ASPDH: variants seen among roughly 807,000 people sequenced by gnomAD.
ASPDH encodes the protein aspartate dehydrogenase domain-containing protein.
A neutral mutation model predicts 30.5 loss-of-function variants in ASPDH; 25 were observed. The ratio of observed to expected loss-of-function variants is 0.82; its 90% CI spans 0.60 to 1.14. The LOEUF (loss-of-function observed/expected upper bound fraction) is 1.14, where lower values mean the gene tolerates loss of function less well. ASPDH is among the 50% of genes most tolerant of loss of function. ASPDH has a pLI of 0.00. For missense variants in ASPDH, 401 were observed against 381.5 expected, an observed-to-expected ratio of 1.05 and a Z score of -0.43; for synonymous variants, 168 against 156.3, an observed-to-expected ratio of 1.07 and a Z score of -0.56.
In ASPDH at chr19:50,513,444, A is replaced by G; in HGVS notation, c.53-28T>C. The stretch of plus-strand genomic sequence containing the variant: ...GGGGAGAGGGAAAGGAGAGGGCTAG[A>G]GATCCAGAGAGAGGGGGACAGAGAC... On this transcript the variant is annotated intron_variant, in intron 1 of 6. Transcript: ENST00000389208. This position sits in a 1 kb window ranked among gnomAD's most constrained non-coding sequence, Gnocchi z 4.9. 6.9e-7 allele frequency: 1 copy of G among 1,458,920 alleles called. No homozygotes were observed. The highest frequency in any genetic ancestry group is 9.1e-7 in the Non-Finnish European group (1 of 1,102,986). 90.4% of individuals were successfully genotyped at this position (1,458,920 alleles called of 1,614,324 possible).
upstream of ASPDH, chr19:50,514,423 A>G: frequency 6.2e-7 from 1 of 1,612,008 alleles, no homozygotes; most frequent in Non-Finnish European, 8.5e-7. Context: ...TCCCCTTCCC[A>G]CAGCCTCCGC....
intron 3 of ASPDH, 39 bp from the exon 4 acceptor site, chr19:50,512,849 A>G (rs1980036823): frequency 6.3e-7 from 1 of 1,598,718 alleles, no homozygotes; most frequent in African/African-American, 1.3e-5. Context: ...AGGTCAGGGA[A>G]GGATATCCAC....
chr19:50,514,579 T>C, upstream of ASPDH: 3 of 1,612,340 alleles, frequency 1.9e-6, no homozygotes, highest in Non-Finnish European at 2.5e-6. Context: ...CCAGCTCGCG[T>C]CAGCCCAGGA....
rs1283128901 is a variant in ASPDH at position 50,513,301 on chromosome 19, C to T, written c.168G>A (p.Gln56=). The T allele has an allele frequency of 3.7e-5, 56 of 1,511,274 alleles. No homozygotes were observed. The highest frequency in any genetic ancestry group is 4.9e-5 in the Non-Finnish European group (55 of 1,129,494). The allele number at this position is 1,511,274 out of a possible 1,614,324, so 93.6% of individuals were successfully genotyped here. A position where few individuals can be genotyped will look rare whatever the true frequency, so the allele number is the denominator to read the frequency against. The change falls in exon 2 of 7, where the codon CAG becomes CAA. Residue 56 remains glutamine, a synonymous_variant. Transcript: ENST00000389208. The surrounding 1 kb of genome is among the most constrained non-coding windows in gnomAD (Gnocchi z 4.9). Reference sequence around the variant, plus strand: ...CCCCAAGGGCAGCAAGGTTCTGGAGCTGCAGGGAAGGGGGCACGCTCCCTG... The same window carrying T: ...CCCCAAGGGCAGCAAGGTTCTGGAGTTGCAGGGAAGGGGGCACGCTCCCTG... ...RMAGSVPPSL[Q]LQNLAALGER...
chr19:50,514,405 A>C, upstream of ASPDH: 1 of 1,603,234 alleles, frequency 6.2e-7, no homozygotes, highest in Admixed American at 1.7e-5. Context: ...CCCGCTGCGC[A>C]GCACGGGTCC....
upstream of ASPDH, chr19:50,514,887 C>T: frequency 1.0e-6 from 1 of 984,968 alleles, no homozygotes; most frequent in Non-Finnish European, 1.2e-6. Context: ...AGAGAGGGGC[C>T]AAGACCCCGA....
At position 50,513,084 on chromosome 19, in the gene ASPDH, T is replaced by C. The variant is rs1601359927; in HGVS notation, c.198-73A>G. On this transcript the variant is annotated intron_variant, in intron 2 of 6. Coordinates refer to ENST00000389208, the MANE Select transcript of ASPDH (RefSeq NM_001114598.2). The surrounding 1 kb of genome is among the most constrained non-coding windows in gnomAD (Gnocchi z 4.9). The stretch of plus-strand genomic sequence containing the variant: ...TCTTCTCCCCAAGGTTCCCTCCGAG[T>C]CTACTGAGGGCTGCCCTTCTTCTCC... 40 of 1,366,318 alleles carry C rather than the reference T, an allele frequency of 2.9e-5. No homozygotes were observed. In the East Asian group the frequency reaches 9.3e-4, roughly 32 times the overall value. 84.6% of individuals were successfully genotyped at this position (1,366,318 alleles called of 1,614,324 possible).
chr19:50,514,097 A>G (rs1980123951), upstream of ASPDH, among the ~76,000 whole-genome samples: 1 of 152,034 alleles, frequency 6.6e-6, no homozygotes, highest in East Asian at 1.9e-4. Flanking sequence ...CCCCTGCAGC[A>G]CACCCTCTTT....
chr19:50,511,691 G>T lies in ASPDH; in HGVS notation c.*39C>A. 3 of 1,270,428 alleles carry T rather than the reference G, an allele frequency of 2.4e-6. No homozygotes were observed. The highest frequency in any genetic ancestry group is 3.0e-6 in the Non-Finnish European group (3 of 990,720). 78.7% of individuals were successfully genotyped at this position (1,270,428 alleles called of 1,614,324 possible). A position where few individuals can be genotyped will look rare whatever the true frequency, so the allele number is the denominator to read the frequency against. On this transcript the variant is annotated 3_prime_UTR_variant, in exon 7 of 7. Coordinates refer to ENST00000389208, the MANE Select transcript of ASPDH (RefSeq NM_001114598.2). ...AGGGGTGGGATGGTGGTGGTGAGAG[G>T]CCAGGCAGATGATCTTGTCTCGGGA...
upstream of ASPDH, chr19:50,513,941 C>G: frequency 7.6e-7 from 1 of 1,318,678 alleles, no homozygotes; most frequent in East Asian, 2.6e-5. This position sits in a 1 kb window ranked among gnomAD's most constrained non-coding sequence, Gnocchi z 4.9. Context: ...GCTCAGTCTT[C>G]CCCCTTCCCC....
At position 50,513,019 on chromosome 19, in the gene ASPDH, AG is replaced by A; in HGVS notation, c.198-9del. The A allele has an allele frequency of 6.2e-7, 1 of 1,608,788 alleles. No homozygotes were observed. Among genetic ancestry groups the A allele is most frequent in the South Asian group, 1.1e-5 (1 of 90,726 alleles). On this transcript the variant is annotated splice_polypyrimidine_tract_variant and intron_variant, in intron 2 of 6. Coordinates refer to ENST00000389208, the MANE Select transcript of ASPDH (RefSeq NM_001114598.2). The surrounding 1 kb of genome is among the most constrained non-coding windows in gnomAD (Gnocchi z 4.9). ...ACAACCAGATCAGGGCGCCTGGGAG[AG>A]GGGAAAGAGGGCGGAGGGTCTTGGA...
Position 50,513,080 on chromosome 19 carries a change from C to A in ASPDH, c.198-69G>T. The A allele has an allele frequency of 7.2e-7, 1 of 1,392,428 alleles. No individual in the cohort carries two copies. The highest frequency in any genetic ancestry group is 1.3e-5 in the South Asian group (1 of 76,824). 86.3% of individuals were successfully genotyped at this position (1,392,428 alleles called of 1,614,324 possible). A position where few individuals can be genotyped will look rare whatever the true frequency, so the allele number is the denominator to read the frequency against. On this transcript the variant is annotated intron_variant, in intron 2 of 6. Coordinates refer to ENST00000389208, the MANE Select transcript of ASPDH (RefSeq NM_001114598.2). This position sits in a 1 kb window ranked among gnomAD's most constrained non-coding sequence, Gnocchi z 4.9. ...GGCCTCTTCTCCCCAAGGTTCCCTC[C>A]GAGTCTACTGAGGGCTGCCCTTCTT...
Position 50,512,855 on chromosome 19 carries a change from T to C in ASPDH, c.283-45A>G. On this transcript the variant is annotated intron_variant, in intron 3 of 6. Coordinates refer to ENST00000389208, the MANE Select transcript of ASPDH (RefSeq NM_001114598.2). ...GGAGGGTTGAGGTCAGGGAAGGATA[T>C]CCACTTCAGGGTGGGGTGAGACCAA... The C allele has an allele frequency of 1.9e-6, 3 of 1,598,700 alleles. No individual in the cohort carries two copies. The African/African-American group carries it at 4.0e-5, about 21-fold the overall frequency.
chr19:50,512,864 G>C (rs1980038220), intron 3 of ASPDH, 54 bp from the exon 4 acceptor site: 1 of 1,599,294 alleles, frequency 6.3e-7, no homozygotes, highest in African/African-American at 1.3e-5. Flanking sequence ...ATCCACTTCA[G>C]GGTGGGGTGA....
Position 50,513,764 on chromosome 19 carries a change from G to C in ASPDH, c.52+8C>G, listed in dbSNP as rs1980102465. 6.5e-7 allele frequency: 1 copy of C among 1,541,534 alleles called. No individual in the cohort carries two copies. Among genetic ancestry groups the C allele is most frequent in the African/African-American group, 1.4e-5 (1 of 72,946 alleles). ...GGGGAAGGAGGCCAAGGATGGTCAGGGACTCACCGAGGCGGCCATAGCCCA... is the reference window on the plus strand; with the variant it reads ...GGGGAAGGAGGCCAAGGATGGTCAGCGACTCACCGAGGCGGCCATAGCCCA... On this transcript the variant is annotated splice_region_variant and intron_variant, in intron 1 of 6. Transcript: ENST00000389208. The surrounding 1 kb of genome is among the most constrained non-coding windows in gnomAD (Gnocchi z 4.9).
Position 50,512,156 on chromosome 19 carries a change from G to A in ASPDH, c.788C>T (p.Ala263Val), listed in dbSNP as rs778446707. The change falls in exon 6 of 7, where the codon GCC (alanine) becomes GTC (valine). Residue 263 changes from alanine to valine, a missense_variant. Ala to Val is a moderately conservative substitution (Grantham distance 64). Transcript: ENST00000389208. Reference sequence around the variant, plus strand: ...CGCACCCAGGAGGCTCTGCCAGAAGGCCGTGACGGTGGCGGAGCCGGTGAC... The same window carrying A: ...CGCACCCAGGAGGCTCTGCCAGAAGACCGTGACGGTGGCGGAGCCGGTGAC... ...GAVTGSATVT[A>V]FWQSLLACCQ... 2 of 1,573,624 alleles carry A rather than the reference G, an allele frequency of 1.3e-6. No homozygotes were observed. Among genetic ancestry groups the A allele is most frequent in the African/African-American group, 1.3e-5 (1 of 74,276 alleles).
chr19:50,514,958 C>G (rs974238715), upstream of ASPDH: 1 of 985,282 alleles, frequency 1.0e-6, no homozygotes, highest in East Asian at 1.1e-4. Context: ...AGCCAGGAGC[C>G]CCCGGTGTGG....
chr19:50,512,450 G>A lies in ASPDH; in HGVS notation c.563C>T (p.Pro188Leu). The A allele has an allele frequency of 1.2e-6, 2 of 1,607,232 alleles. No individual in the cohort carries two copies. Among genetic ancestry groups the A allele is most frequent in the Admixed American group, 1.7e-5 (1 of 59,408 alleles). ...CGCCGCCATGGTGTTGGAATTTCGC[G>A]GGGCAAAGGGGCAGAGCCCACGGAC... ...GPVRGLCPFA[P>L]RNSNTMAAAA... Residue 188 changes from proline to leucine, a missense_variant, in exon 5 of 7, where the codon CCG (proline) becomes CTG (leucine). Pro to Leu is a moderately conservative substitution (Grantham distance 98). Coordinates refer to ENST00000389208, the MANE Select transcript of ASPDH (RefSeq NM_001114598.2).
chr19:50,512,694 GTCC>G lies in ASPDH; in HGVS notation c.396_398del (p.Glu132del). On this transcript the variant is annotated inframe_deletion, in exon 4 of 7. Transcript: ENST00000389208. ...CCCCAGCTGCATCCAATCTCCTGAT[GTCC>G]TCAGCGCCCCACAGGGCCCCTCGGG... 1 of 1,550,560 alleles carries G rather than the reference GTCC, an allele frequency of 6.4e-7. No individual in the cohort carries two copies. The highest frequency in any genetic ancestry group is 1.2e-5 in the South Asian group (1 of 84,120).
Sources: gnomAD v4.1 joint callset for allele counts (sites outside exome capture counted in the v4.1 genomes callset) on GRCh38, gnomAD v4.1.1 for gene constraint, Gnocchi (gnomAD v3.1) non-coding constraint, MANE v1.5 for transcripts, NCBI Gene and HGNC (gene_info 2026-07-23, HGNC 2026-07-21) for gene names.